RERE: variants seen among roughly 807,000 people sequenced by gnomAD.
RERE encodes arginine-glutamic acid dipeptide repeats protein.
Under a neutral mutation model 146.1 loss-of-function variants are expected in RERE, and 40 were observed. The ratio of observed to expected loss-of-function variants is 0.27; its 90% CI spans 0.21 to 0.36. The LOEUF is 0.36. Among genes scored for constraint, RERE ranks in the 10% least tolerant of loss-of-function variants. RERE has a pLI of 1.00. For synonymous variants in RERE, 1,003 were observed against 866.0 expected, an observed-to-expected ratio of 1.16 and a Z score of -2.78; for missense variants, 1,933 against 2,138.7, an observed-to-expected ratio of 0.90 and a Z score of 1.90.
intron 1 of RERE, among the ~76,000 whole-genome samples, chr1:8,810,245 C>A (rs1641780256): frequency 6.6e-6 from 1 of 151,466 alleles, no homozygotes; most frequent in African/African-American, 2.5e-5. Flanking sequence ...GGTCACCCAT[C>A]CGCCTTGGCC....
intron 1 of RERE, among the ~76,000 whole-genome samples, chr1:8,684,117 T>C (rs988254063): frequency 6.6e-6 from 1 of 152,210 alleles, no homozygotes; most frequent in Non-Finnish European, 1.5e-5. Flanking sequence ...CTTAAATGAT[T>C]GCATTAAAAC....
In RERE at chr1:8,420,264, G is replaced by C. The variant is rs560710164; in HGVS notation, c.1284+2463C>G. On this transcript the variant is annotated intron_variant, in intron 12 of 22. Coordinates refer to ENST00000400908, the MANE Select transcript of RERE (RefSeq NM_001042681.2). ...GAGCCCAGGAGTTTGAGACCAGCCAGGGCAACAGAGTTAGATCTTGTCTCA... is the reference window on the plus strand; with the variant it reads ...GAGCCCAGGAGTTTGAGACCAGCCACGGCAACAGAGTTAGATCTTGTCTCA... Among the ~76,000 whole-genome samples the C allele has an allele frequency of 3.3e-5, 5 of 152,120 alleles. No homozygotes were observed. In the South Asian group the frequency reaches 8.3e-4, roughly 25 times the overall value.
Position 8,557,402 on chromosome 1 carries a change from A to T in RERE, c.628+16T>A. The T allele has an allele frequency of 6.8e-7, 1 of 1,469,584 alleles. No individual in the cohort carries two copies. Among genetic ancestry groups the T allele is most frequent in the Non-Finnish European group, 9.5e-7 (1 of 1,048,338 alleles). 91.0% of individuals were successfully genotyped at this position (1,469,584 alleles called of 1,614,324 possible). A position where few individuals can be genotyped will look rare whatever the true frequency, so the allele number is the denominator to read the frequency against. ...AGCTAAGAAACACACAAATCAAACC[A>T]CAAGGACATATTTACCATTTTCATT... is the stretch of plus-strand genomic sequence containing the variant. On this transcript the variant is annotated intron_variant, in intron 5 of 22. Transcript: ENST00000400908.
At chr1:8,501,956 C>A (rs1570352192) in intron 8 of RERE, among the ~76,000 whole-genome samples, 4 of 117,098 alleles carry the variant, frequency 3.4e-5, no homozygotes, top group Admixed American at 7.7e-5. Flanking sequence ...AGCCCCCCGC[C>A]CGGCCAGCCG....
intron 1 of RERE, among the ~76,000 whole-genome samples, chr1:8,742,899 A>C (rs538573470): frequency 1.3e-5 from 2 of 151,814 alleles, no homozygotes; most frequent in Non-Finnish European, 2.9e-5. Context: ...ATAATCTTGA[A>C]GATTTAAGCT....
intron 1 of RERE, among the ~76,000 whole-genome samples, chr1:8,718,472 G>A (rs992542812): frequency 1.3e-5 from 2 of 152,216 alleles, no homozygotes; most frequent in Admixed American, 1.3e-4. Flanking sequence ...AATGGTGCAA[G>A]CCAATGGATC....
At chr1:8,422,935 G>A (rs1643932284) in intron 11 of RERE, 128 bp from the exon 12 acceptor site, 1 of 688,904 alleles carries the variant, frequency 1.5e-6, no homozygotes, top group East Asian at 2.7e-5. Context: ...TACTGCCGAG[G>A]CTCGGAGAGT....
At chr1:8,430,795 G>A (rs1489430074) in intron 11 of RERE, among the ~76,000 whole-genome samples, 1 of 152,182 alleles carries the variant, frequency 6.6e-6, no homozygotes. Flanking sequence ...GTGTAACCGG[G>A]CCCATTCTAC....
chr1:8,486,235 A>G (rs1411385559), intron 10 of RERE, among the ~76,000 whole-genome samples: 1 of 152,222 alleles, frequency 6.6e-6, no homozygotes, highest in African/African-American at 2.4e-5. Context: ...GTAACTACAG[A>G]GAGCAAGTTG....
chr1:8,495,853 A>C (rs925381224), intron 9 of RERE, among the ~76,000 whole-genome samples: 1 of 152,218 alleles, frequency 6.6e-6, no homozygotes, highest in Non-Finnish European at 1.5e-5. Context: ...CTCATTCTGC[A>C]TATCAACTAC....
At chr1:8,561,916 C>A (rs758475554) in intron 4 of RERE, among the ~76,000 whole-genome samples, 11 of 152,168 alleles carry the variant, frequency 7.2e-5, no homozygotes, top group African/African-American at 2.7e-4. Context: ...AGAGATCATG[C>A]GATTCAAGCA....
rs537560243 is a variant in RERE, at chr1:8,764,452, T to C, written c.-145+52708A>G. Among the ~76,000 whole-genome samples the C allele has an allele frequency of 2.8e-4, 43 of 152,326 alleles. 2 individuals are homozygous for C. In the South Asian group the frequency reaches 8.5e-3, roughly 30 times the overall value. The stretch of plus-strand genomic sequence containing the variant: ...AACAAAAAAAAGCTACAGTCATCTA[T>C]GTATTCAGTCATCCAGTCAATCCCA... On this transcript the variant is annotated intron_variant, in intron 1 of 22. Transcript: ENST00000400908.
At chr1:8,457,517 G>T (rs888252311) in intron 11 of RERE, among the ~76,000 whole-genome samples, 1 of 152,130 alleles carries the variant, frequency 6.6e-6, no homozygotes, top group East Asian at 1.9e-4. Flanking sequence ...AAATAGGCTG[G>T]CACTCTAGTG....
chr1:8,380,045 C>T (rs1340826753), intron 12 of RERE, among the ~76,000 whole-genome samples: 4 of 152,232 alleles, frequency 2.6e-5, no homozygotes, highest in African/African-American at 9.6e-5. Flanking sequence ...CCAACGCCCA[C>T]CTCACGGCTG....
chr1:8,740,975 A>G (rs1640294905), intron 1 of RERE, among the ~76,000 whole-genome samples: 2 of 152,262 alleles, frequency 1.3e-5, no homozygotes, highest in Non-Finnish European at 2.9e-5. Context: ...ACAATCATTT[A>G]TAATCACTAT....
Position 8,656,314 on chromosome 1 carries a change from T to C in RERE, c.-17A>G, listed in dbSNP as rs1638300932. On this transcript the variant is annotated 5_prime_UTR_variant, in exon 2 of 23. Transcript: ENST00000400908. The stretch of plus-strand genomic sequence containing the variant: ...CGCTGTCATGATTCGCCACGTGCCT[T>C]CTTCTGTCCTCTCACGGCTAGGCCT... The C allele has an allele frequency of 6.2e-7, 1 of 1,608,290 alleles. No individual in the cohort carries two copies. Among genetic ancestry groups the C allele is most frequent in the Non-Finnish European group, 8.5e-7 (1 of 1,176,980 alleles).
intron 4 of RERE, among the ~76,000 whole-genome samples, chr1:8,592,653 G>A (rs908617694): frequency 3.9e-5 from 6 of 152,088 alleles, no homozygotes; most frequent in African/African-American, 1.4e-4. Context: ...AGGCCTAAGT[G>A]AGAAGAATGC....
In RERE at chr1:8,683,444, G is replaced by A. The variant is rs189591664; in HGVS notation, c.-144-27003C>T. On this transcript the variant is annotated intron_variant, in intron 1 of 22. Coordinates refer to ENST00000400908, the MANE Select transcript of RERE (RefSeq NM_001042681.2). ...CCTGCTAAAGAGAAAAGACGGGGAG[G>A]GATGGGACACCTTTCCAAAAACCTC... Among the ~76,000 whole-genome samples, 3 of 152,076 alleles carry A rather than the reference G, an allele frequency of 2.0e-5. No homozygotes were observed. In the East Asian group the frequency reaches 5.8e-4, roughly 29 times the overall value.
At chr1:8,416,455 G>A (rs934046006) in intron 12 of RERE, among the ~76,000 whole-genome samples, 6 of 151,676 alleles carry the variant, frequency 4.0e-5, no homozygotes, top group East Asian at 1.9e-4. Context: ...GCGTGGTGGC[G>A]GGCGCCTGTA....
Sources: allele counts gnomAD v4.1 joint callset (sites outside exome capture counted in the v4.1 genomes callset), GRCh38; gene constraint gnomAD v4.1.1; transcripts MANE v1.5; gene names NCBI Gene and HGNC (gene_info 2026-07-23, HGNC 2026-07-21).